The following LRGUK variants were observed in gnomAD, a reference collection of about 807,000 sequenced individuals.
LRGUK encodes the protein leucine-rich repeat and guanylate kinase domain-containing protein.
In LRGUK, 65 loss-of-function variants were observed where a neutral mutation model predicts 76.0. The ratio of observed to expected loss-of-function variants is 0.85; its 90% CI spans 0.70 to 1.05. The LOEUF (loss-of-function observed/expected upper bound fraction) is 1.05. LRGUK is among the 50% of genes least tolerant of loss of function. LRGUK has a pLI of 0.00. For missense variants in LRGUK, 758 were observed against 732.8 expected, an observed-to-expected ratio of 1.03 and a Z score of -0.40; for synonymous variants, 268 against 265.6, an observed-to-expected ratio of 1.01 and a Z score of -0.09.
chr7:134,137,266 A>G, intron 2 of LRGUK, 136 bp downstream of exon 2: 1 of 647,918 alleles, frequency 1.5e-6, no homozygotes, highest in East Asian at 2.7e-5. Flanking sequence ...TGGTGACAAG[A>G]GATATTTCTG....
intron 5 of LRGUK, among the ~76,000 whole-genome samples, chr7:134,156,076 C>G (rs1269520752): frequency 6.6e-6 from 1 of 152,160 alleles, no homozygotes; most frequent in Admixed American, 6.5e-5. Context: ...TGAACTCTCT[C>G]AGTAGTATAA....
chr7:134,160,036 T>C (rs1430284168), intron 6 of LRGUK, among the ~76,000 whole-genome samples: 1 of 152,230 alleles, frequency 6.6e-6, no homozygotes, highest in Non-Finnish European at 1.5e-5. Context: ...TACGACAATC[T>C]GAAGGATTTT....
chr7:134,132,869 G>A (rs759566612), intron 1 of LRGUK, among the ~76,000 whole-genome samples: 3 of 152,196 alleles, frequency 2.0e-5, no homozygotes, highest in Non-Finnish European at 4.4e-5. Context: ...GAGAGCTTCC[G>A]TTTTGCCTCA....
intron 6 of LRGUK, among the ~76,000 whole-genome samples, chr7:134,161,400 A>AT (rs1410859179): frequency 6.6e-6 from 1 of 152,170 alleles, no homozygotes; most frequent in Admixed American, 6.5e-5. Flanking sequence ...ACTTTGGCAA[A>AT]TGGATTATGG....
chr7:134,235,063 G>A (rs142206294), intron 16 of LRGUK, among the ~76,000 whole-genome samples: 2 of 152,244 alleles, frequency 1.3e-5, no homozygotes, highest in East Asian at 3.9e-4. Flanking sequence ...CCTCTTAAGT[G>A]GTCTCTTTGG....
intron 6 of LRGUK, 148 bp from the exon 7 acceptor site, chr7:134,163,249 A>C: frequency 1.6e-6 from 1 of 611,702 alleles, no homozygotes; most frequent in South Asian, 3.0e-5. Context: ...AGAGAGGTGA[A>C]TGATGGAAAT....
intron 1 of LRGUK, among the ~76,000 whole-genome samples, chr7:134,133,016 A>G (rs1201943077): frequency 1.3e-5 from 2 of 152,208 alleles, no homozygotes; most frequent in East Asian, 3.9e-4. Flanking sequence ...GACCGTTCAT[A>G]GCAAAGAGGC....
chr7:134,149,997 C>G (rs894651072), intron 5 of LRGUK, among the ~76,000 whole-genome samples: 6 of 152,150 alleles, frequency 3.9e-5, no homozygotes, highest in Admixed American at 2.0e-4. Flanking sequence ...TGGTCTAGGC[C>G]GGGCGTGGTG....
intron 3 of LRGUK, among the ~76,000 whole-genome samples, chr7:134,140,854 G>A (rs1797736863): frequency 6.6e-6 from 1 of 152,038 alleles, no homozygotes; most frequent in Non-Finnish European, 1.5e-5. Context: ...ATAGAATATT[G>A]GAATGAATAT....
At chr7:134,150,754 T>A (rs1798184730) in intron 5 of LRGUK, among the ~76,000 whole-genome samples, 1 of 152,180 alleles carries the variant, frequency 6.6e-6, no homozygotes, top group Non-Finnish European at 1.5e-5. Flanking sequence ...TCTATATACA[T>A]TTAGCTTTCC....
intron 16 of LRGUK, among the ~76,000 whole-genome samples, chr7:134,226,104 G>A (rs1801734776): frequency 1.3e-5 from 2 of 152,060 alleles, no homozygotes; most frequent in South Asian, 4.2e-4. Context: ...AAGAAAAAAG[G>A]CATTTTTGTG....
At chr7:134,204,101 C>A (rs974562379) in intron 15 of LRGUK, among the ~76,000 whole-genome samples, 3 of 151,304 alleles carry the variant, frequency 2.0e-5, no homozygotes, top group Non-Finnish European at 4.4e-5. Context: ...TGAGCCTGAC[C>A]AGCTCTGAGT....
chr7:134,217,991 G>A (rs1801479757), intron 15 of LRGUK, among the ~76,000 whole-genome samples: 1 of 152,004 alleles, frequency 6.6e-6, no homozygotes, highest in Admixed American at 6.6e-5. Context: ...GTCTTACTCT[G>A]TCTCCCAGGC....
intron 11 of LRGUK, among the ~76,000 whole-genome samples, chr7:134,184,332 C>T (rs936169736): frequency 2.0e-5 from 3 of 150,718 alleles, no homozygotes; most frequent in East Asian, 1.9e-4. Context: ...TGCAGTGGTG[C>T]GATCTCGGCT....
chr7:134,258,450 C>A, intron 19 of LRGUK, 45 bp downstream of exon 19: 1 of 1,571,490 alleles, frequency 6.4e-7, no homozygotes, highest in South Asian at 1.1e-5. Flanking sequence ...GTAATCCCAG[C>A]ACTTTGGGAG....
rs555219704 is a variant in LRGUK at position 134,198,451 on chromosome 7, C to T, written c.1546-769C>T. ...AGACTGCCCTGGTCATTGACTGTTT[C>T]AGAAATTGTTTTGGAAATAGCCTGT... On this transcript the variant is annotated intron_variant, in intron 13 of 15. Coordinates refer to ENST00000645682, the Ensembl canonical transcript of LRGUK. Among the ~76,000 whole-genome samples the T allele has an allele frequency of 2.0e-5, 3 of 152,274 alleles. No homozygotes were observed. In the East Asian group the frequency reaches 5.8e-4, roughly 29 times the overall value.
intron 2 of LRGUK, among the ~76,000 whole-genome samples, chr7:134,139,133 G>GA (rs916414764): frequency 3.3e-5 from 5 of 151,136 alleles, no homozygotes; most frequent in East Asian, 1.9e-4. Context: ...TTTATTAAAA[G>GA]AAAAAAAAGA....
chr7:134,218,903 C>T (rs1801505367), intron 15 of LRGUK, among the ~76,000 whole-genome samples: 1 of 152,034 alleles, frequency 6.6e-6, no homozygotes, highest in Non-Finnish European at 1.5e-5. Context: ...TTTATATTTT[C>T]CTGCATTTGT....
intron 7 of LRGUK, among the ~76,000 whole-genome samples, chr7:134,164,642 T>G: frequency 6.6e-6 from 1 of 152,170 alleles, no homozygotes; most frequent in East Asian, 1.9e-4. Flanking sequence ...AATGAAAAAT[T>G]GGGCTGAGCC....
Sources: gnomAD v4.1 joint callset for allele counts (sites outside exome capture counted in the v4.1 genomes callset) on GRCh38, gnomAD v4.1.1 for gene constraint, MANE v1.5 for transcripts, NCBI Gene and HGNC (gene_info 2026-07-23, HGNC 2026-07-21) for gene names.